HSD17B12: variants seen among roughly 807,000 people sequenced by gnomAD.
HSD17B12 encodes very-long-chain 3-oxoacyl-CoA reductase.
In HSD17B12, 32 loss-of-function variants were observed where a neutral mutation model predicts 39.3. That is an observed-to-expected ratio of 0.81 (90% CI 0.61 to 1.09). HSD17B12 has a LOEUF of 1.09. HSD17B12 is among the 50% of genes least tolerant of loss of function. The probability of loss-of-function intolerance (pLI) is 0.00; values close to 1 mark genes in which losing one functional copy is unlikely to be tolerated. For synonymous variants in HSD17B12, 150 were observed against 146.7 expected (o/e 1.02, Z -0.16); for missense variants, 342 against 382.9 (o/e 0.89, Z 0.89).
the HSD17B12 span, among the ~76,000 whole-genome samples, chr11:43,590,751 C>T: frequency 6.7e-6 from 1 of 149,514 alleles, no homozygotes; most frequent in African/African-American, 2.5e-5. Flanking sequence ...ACCTTGTGAT[C>T]TGCCCACCTC....
chr11:43,798,564 C>T (rs1950935525), intron 4 of HSD17B12, 137 bp downstream of exon 4: 1 of 572,278 alleles, frequency 1.7e-6, no homozygotes, highest in Non-Finnish European at 3.1e-6. Context: ...AATAATATCA[C>T]TAGGTGACAT....
chr11:43,790,864 G>A (rs1296947350), intron 3 of HSD17B12, among the ~76,000 whole-genome samples: 1 of 151,950 alleles, frequency 6.6e-6, no homozygotes, highest in Non-Finnish European at 1.5e-5. Context: ...CATGGTAGTG[G>A]GTGCCTGTAA....
At chr11:43,819,659 A>G (rs1565100903) in intron 6 of HSD17B12, among the ~76,000 whole-genome samples, 1 of 152,200 alleles carries the variant, frequency 6.6e-6, no homozygotes, top group Admixed American at 6.5e-5. Flanking sequence ...TGACATTGGC[A>G]TATATACTTG....
At chr11:43,558,807 G>C in the HSD17B12 span, among the ~76,000 whole-genome samples, 1 of 152,186 alleles carries the variant, frequency 6.6e-6, no homozygotes, top group African/African-American at 2.4e-5. Flanking sequence ...CATGAGAAGG[G>C]AATCGTTTTC....
chr11:43,800,856 G>T (rs1214985016), intron 4 of HSD17B12, among the ~76,000 whole-genome samples: 3 of 152,050 alleles, frequency 2.0e-5, no homozygotes, highest in African/African-American at 7.2e-5. Context: ...AAGCTGTACT[G>T]GGCCGGGCGT....
the HSD17B12 span, among the ~76,000 whole-genome samples, chr11:43,573,408 C>T: frequency 6.6e-6 from 1 of 152,166 alleles, no homozygotes; most frequent in East Asian, 1.9e-4. Context: ...CCCTCTCTGT[C>T]TTGATTACTG....
chr11:43,699,446 G>T (rs1235036682), intron 1 of HSD17B12, among the ~76,000 whole-genome samples: 1 of 152,040 alleles, frequency 6.6e-6, no homozygotes, highest in Non-Finnish European at 1.5e-5. Flanking sequence ...TGTAGCAAAA[G>T]TATCATCTTT....
chr11:43,680,722 A>T, upstream of HSD17B12: 1 of 1,001,190 alleles, frequency 1.0e-6, no homozygotes, highest in Non-Finnish European at 1.6e-6. Context: ...GTGGTGTCGG[A>T]GCAGCGCCTA....
chr11:43,685,212 A>G (rs1949787382), intron 1 of HSD17B12, among the ~76,000 whole-genome samples: 1 of 152,198 alleles, frequency 6.6e-6, no homozygotes, highest in African/African-American at 2.4e-5. Context: ...CTCCTAATTC[A>G]GTAGATAGTG....
intron 1 of HSD17B12, among the ~76,000 whole-genome samples, chr11:43,696,330 G>GA (rs765827186): frequency 7.3e-5 from 11 of 151,696 alleles, no homozygotes; most frequent in African/African-American, 2.2e-4. Flanking sequence ...AAATTTATAA[G>GA]AAAAAAAATC....
In HSD17B12 at chr11:43,775,462, CTT is replaced by C. The variant is rs1950691187; in HGVS notation, c.283+21343_283+21344del. Among the ~76,000 whole-genome samples the C allele has an allele frequency of 4.6e-5, 7 of 150,592 alleles. No homozygotes were observed. In the South Asian group the frequency reaches 1.5e-3, roughly 32 times the overall value. On this transcript the variant is annotated intron_variant, in intron 3 of 10. Coordinates refer to ENST00000278353, the MANE Select transcript of HSD17B12 (RefSeq NM_016142.3). ...TTGGTGGCTCCTGATCCAGAGAACTCTTTGAACAAATAATTTTAAGAATTTTT... is the reference window on the plus strand; with the variant it reads ...TTGGTGGCTCCTGATCCAGAGAACTCTGAACAAATAATTTTAAGAATTTTT...
At chr11:43,679,865 G>C (rs1949724315), upstream of HSD17B12, among the ~76,000 whole-genome samples, 1 of 152,090 alleles carries the variant, frequency 6.6e-6, no homozygotes, top group South Asian at 2.1e-4. Context: ...GGCTCTCTAT[G>C]AGTGAGTGTA....
chr11:43,835,036 A>G (rs1437937844), intron 7 of HSD17B12, among the ~76,000 whole-genome samples: 1 of 152,212 alleles, frequency 6.6e-6, no homozygotes, highest in Non-Finnish European at 1.5e-5. Flanking sequence ...GATATTTGTC[A>G]TAACAAACTA....
chr11:43,751,783 G>A (rs1030803901), intron 2 of HSD17B12, among the ~76,000 whole-genome samples: 2 of 151,828 alleles, frequency 1.3e-5, no homozygotes, highest in African/African-American at 2.4e-5. Flanking sequence ...TAATTATTTC[G>A]CTGGACCATT....
At chr11:43,562,653 A>T in the HSD17B12 span, among the ~76,000 whole-genome samples, 1 of 152,188 alleles carries the variant, frequency 6.6e-6, no homozygotes, top group Non-Finnish European at 1.5e-5. Context: ...CATTTCTACC[A>T]TATGCTTTTT....
Position 43,837,316 on chromosome 11 carries a change from T to C in HSD17B12, c.537-1001T>C, listed in dbSNP as rs191044797. Among the ~76,000 whole-genome samples the C allele has an allele frequency of 5.1e-3, 769 of 152,008 alleles. 7 individuals are homozygous for C. Among genetic ancestry groups the C allele is most frequent in the Non-Finnish European group, 8.8e-3 (599 of 67,946 alleles). ...GGAAGTAAATTCAGACAAAGAACAA[T>C]GAGAAAGTGGGTTAAGGAAAGGAAC... On this transcript the variant is annotated intron_variant, in intron 7 of 10. Transcript: ENST00000278353.
chr11:43,559,401 C>T, the HSD17B12 span, among the ~76,000 whole-genome samples: 12 of 152,274 alleles, frequency 7.9e-5, no homozygotes, highest in Admixed American at 5.9e-4. Flanking sequence ...CAGCCTTCCC[C>T]GGAGATCCAT....
chr11:43,734,462 C>T (rs780586844), intron 1 of HSD17B12: 33 of 686,038 alleles, frequency 4.8e-5, no homozygotes, highest in Non-Finnish European at 7.0e-5. Context: ...CCTGATCGAG[C>T]TGTGTAAGCT....
chr11:43,792,682 C>CTTTTTTTTTTTT (rs60140879), intron 3 of HSD17B12, among the ~76,000 whole-genome samples: 1 of 101,296 alleles, frequency 9.9e-6, no homozygotes, highest in Non-Finnish European at 1.9e-5. Flanking sequence ...TCAATGTAAC[C>CTTTTTTTTTTTT]TTTTTTTTTT....
Sources: gnomAD v4.1 joint callset for allele counts (sites outside exome capture counted in the v4.1 genomes callset) on GRCh38, gnomAD v4.1.1 for gene constraint, MANE v1.5 for transcripts, NCBI Gene and HGNC (gene_info 2026-07-23, HGNC 2026-07-21) for gene names.